SORCS3: variants seen among roughly 807,000 people sequenced by gnomAD.
The protein encoded by SORCS3 is sortilin related VPS10 domain containing receptor 3, also known as VPS10 domain-containing receptor SorCS3.
A neutral mutation model predicts 146.3 loss-of-function variants in SORCS3; 57 were observed. The ratio of observed to expected loss-of-function variants is 0.39; its 90% CI spans 0.31 to 0.49. The LOEUF (loss-of-function observed/expected upper bound fraction) is 0.49, where lower values mean the gene tolerates loss of function less well. Among genes scored for constraint, SORCS3 ranks in the 20% least tolerant of loss-of-function variants. The pLI, the probability that SORCS3 is intolerant of heterozygous loss-of-function variation, is 0.92. For synonymous variants in SORCS3, 653 were observed against 618.5 expected (o/e 1.06, Z -0.83); for missense variants, 1,341 against 1,575.5 (o/e 0.85, Z 2.52).
chr10:105,124,300 G>A (rs1356630524), intron 7 of SORCS3, among the ~76,000 whole-genome samples: 1 of 152,104 alleles, frequency 6.6e-6, no homozygotes, highest in Non-Finnish European at 1.5e-5. Flanking sequence ...TTTAAAGGAT[G>A]GGCCCGATTA....
In SORCS3 at chr10:105,122,480, C is replaced by G. The variant is rs573571635; in HGVS notation, c.1213-16917C>G. On this transcript the variant is annotated intron_variant, in intron 7 of 26. Coordinates refer to ENST00000369701, the MANE Select transcript of SORCS3 (RefSeq NM_014978.3). ...ATCTACTATGTACCCAGTACTGTGA[C>G]TGGTTCTCTCTGTGACAGAGGTATT... is the stretch of plus-strand genomic sequence containing the variant. Among the ~76,000 whole-genome samples the G allele has an allele frequency of 1.6e-4, 24 of 152,308 alleles. No individual in the cohort carries two copies. In the South Asian group the frequency reaches 4.4e-3, roughly 28 times the overall value.
At chr10:104,751,023 A>G (rs2016976642) in intron 1 of SORCS3, among the ~76,000 whole-genome samples, 1 of 129,614 alleles carries the variant, frequency 7.7e-6, no homozygotes, top group Non-Finnish European at 1.7e-5. Context: ...TGAGATATGG[A>G]CAAATTGGAA....
At chr10:105,252,479 A>C (rs994229515) in intron 22 of SORCS3, among the ~76,000 whole-genome samples, 7 of 152,224 alleles carry the variant, frequency 4.6e-5, no homozygotes, top group African/African-American at 1.7e-4. Flanking sequence ...AAAATATGAG[A>C]GGAACTTTTG....
intron 20 of SORCS3, among the ~76,000 whole-genome samples, chr10:105,230,302 C>G (rs1179209148): frequency 1.3e-5 from 2 of 152,026 alleles, no homozygotes; most frequent in Admixed American, 6.6e-5. Flanking sequence ...GGGTGATCTC[C>G]AAACCCCAGG....
chr10:104,944,202 G>A (rs949589004), intron 3 of SORCS3, among the ~76,000 whole-genome samples: 5 of 151,922 alleles, frequency 3.3e-5, no homozygotes, highest in African/African-American at 4.8e-5. Flanking sequence ...CTCTTACTTC[G>A]ACAAAAAACA....
rs1486626651 is a variant in SORCS3, at chr10:105,157,259, G to A, written c.1604G>A (p.Arg535Lys). Residue 535 changes from arginine (R) to lysine (K), a missense_variant, in exon 10 of 27, where the codon AGA becomes AAA. Arg to Lys is a conservative substitution (Grantham distance 26). Transcript: ENST00000369701. ...CTGCAAGCTCCGGATGTGGACCTGA[G>A]AGGAAGCCCAGTGCACTGCCTGCTG... Reference protein sequence around the residue: ...RLLQAPDVDLRGSPVHCLLPF... With the variant: ...RLLQAPDVDLKGSPVHCLLPF... 1.9e-6 allele frequency: 3 copies of A among 1,613,950 alleles called. No homozygotes were observed. The highest frequency in any genetic ancestry group is 2.7e-5 in the African/African-American group (2 of 74,942).
intron 4 of SORCS3, among the ~76,000 whole-genome samples, chr10:105,036,882 A>G (rs143116031): frequency 1.1e-3 from 167 of 152,322 alleles, no homozygotes; most frequent in African/African-American, 3.9e-3. Flanking sequence ...ACAATACAGC[A>G]GAATGCTACC....
rs140126204 is a variant in SORCS3, at chr10:105,250,897, G to T, written c.3106-1878G>T. The stretch of plus-strand genomic sequence containing the variant: ...ACTTTTCTTTATCACATCCCTGAGA[G>T]TTAACTCCAATCCGTAAGCCTAATT... On this transcript the variant is annotated intron_variant, in intron 22 of 26. Coordinates refer to ENST00000369701, the MANE Select transcript of SORCS3 (RefSeq NM_014978.3). Among the ~76,000 whole-genome samples, 16 of 152,176 alleles carry T rather than the reference G, an allele frequency of 1.1e-4. No homozygotes were observed. The East Asian group carries it at 3.1e-3, about 29-fold the overall frequency.
chr10:105,123,979 G>C (rs1236786272), intron 7 of SORCS3, among the ~76,000 whole-genome samples: 5 of 152,298 alleles, frequency 3.3e-5, no homozygotes, highest in Admixed American at 1.3e-4. Flanking sequence ...ATGTGTGTGA[G>C]TATATAAAAT....
chr10:105,016,156 T>TATATATA (rs1554868994), intron 4 of SORCS3, among the ~76,000 whole-genome samples: 277 of 74,802 alleles, frequency 3.7e-3, no homozygotes, highest in Middle Eastern at 0.013. Context: ...TATATATATA[T>TATATATA]TTTTTTTTTT....
intron 3 of SORCS3, among the ~76,000 whole-genome samples, chr10:104,934,418 G>C (rs1280218933): frequency 1.3e-5 from 2 of 152,182 alleles, no homozygotes; most frequent in African/African-American, 4.8e-5. Flanking sequence ...TTCAAGTTTG[G>C]TGTTTAAAGA....
At chr10:105,172,251 T>C (rs189095689) in intron 13 of SORCS3, among the ~76,000 whole-genome samples, 8 of 152,322 alleles carry the variant, frequency 5.3e-5, no homozygotes, top group Admixed American at 4.6e-4. Context: ...AATGACATGA[T>C]ATGCAACTCA....
chr10:104,824,565 A>C (rs2017914032), intron 1 of SORCS3, among the ~76,000 whole-genome samples: 1 of 152,174 alleles, frequency 6.6e-6, no homozygotes, highest in Non-Finnish European at 1.5e-5. Flanking sequence ...TATTCACTTC[A>C]CTGTTATTTA....
chr10:105,259,330 C>T (rs1420642129), intron 25 of SORCS3, among the ~76,000 whole-genome samples: 3 of 152,146 alleles, frequency 2.0e-5, no homozygotes, highest in African/African-American at 7.2e-5. Context: ...GATCATTGGC[C>T]ATACTGAGTT....
At chr10:105,137,497 A>T (rs979713397) in intron 7 of SORCS3, among the ~76,000 whole-genome samples, 12 of 69,688 alleles carry the variant, frequency 1.7e-4, no homozygotes, top group African/African-American at 4.6e-4. Context: ...ACCTCAAATT[A>T]AAAAAAAAAC....
chr10:104,728,015 T>TAA (rs951724051), intron 1 of SORCS3, among the ~76,000 whole-genome samples: 3 of 144,390 alleles, frequency 2.1e-5, no homozygotes, highest in Non-Finnish European at 3.0e-5. Flanking sequence ...TTTATATATA[T>TAA]AACAGTTCTA....
At chr10:104,739,222 G>A (rs1003393536) in intron 1 of SORCS3, among the ~76,000 whole-genome samples, 2 of 152,186 alleles carry the variant, frequency 1.3e-5, no homozygotes, top group African/African-American at 4.8e-5. Context: ...GGAGACAAAT[G>A]AAAAGACCAT....
intron 1 of SORCS3, among the ~76,000 whole-genome samples, chr10:104,793,112 A>T (rs1046550606): frequency 3.3e-5 from 5 of 152,174 alleles, no homozygotes; most frequent in Admixed American, 1.3e-4. Context: ...AAATTGAGTC[A>T]TTTTGAATGT....
chr10:105,224,975 T>C (rs2056725694), intron 20 of SORCS3, among the ~76,000 whole-genome samples: 1 of 152,182 alleles, frequency 6.6e-6, no homozygotes, highest in Non-Finnish European at 1.5e-5. Flanking sequence ...TTGTATATTA[T>C]TGGATAATCT....
Sources: gnomAD v4.1 joint callset for allele counts (sites outside exome capture counted in the v4.1 genomes callset) on GRCh38, gnomAD v4.1.1 for gene constraint, MANE v1.5 for transcripts, NCBI Gene and HGNC (gene_info 2026-07-23, HGNC 2026-07-21) for gene names.